ZHX2: variants seen among roughly 807,000 people sequenced by gnomAD.
ZHX2 encodes the protein zinc fingers and homeoboxes 2.
In ZHX2, 6 loss-of-function variants were observed where a neutral mutation model predicts 21.9. The ratio of observed to expected loss-of-function variants is 0.27; its 90% CI spans 0.15 to 0.54. ZHX2 has a LOEUF of 0.54. ZHX2 is among the 20% of genes least tolerant of loss of function. The pLI, the probability that ZHX2 is intolerant of heterozygous loss-of-function variation, is 0.95. For synonymous variants in ZHX2, 434 were observed against 437.1 expected, an observed-to-expected ratio of 0.99 and a Z score of 0.09; for missense variants, 908 against 1,090.7, an observed-to-expected ratio of 0.83 and a Z score of 2.36.
At chr8:122,826,673 C>T (rs899534423) in intron 1 of ZHX2, among the ~76,000 whole-genome samples, 1 of 152,084 alleles carries the variant, frequency 6.6e-6, no homozygotes, top group African/African-American at 2.4e-5. Flanking sequence ...CGGCACTGCT[C>T]TAGCCAAAAG....
Position 122,782,091 on chromosome 8 carries a change from T to G in ZHX2, c.-283+145T>G, listed in dbSNP as rs1160476125. 1 of 111,500 alleles carries G rather than the reference T, an allele frequency of 9.0e-6. No homozygotes were observed. Among genetic ancestry groups the G allele is most frequent in the Non-Finnish European group, 1.9e-5 (1 of 52,438 alleles). The allele number at this position is 111,500 out of a possible 1,614,324, so 6.9% of individuals were successfully genotyped here. A position where few individuals can be genotyped will look rare whatever the true frequency, so the allele number is the denominator to read the frequency against. ...CCCGAAAATGTGTTGTTAATGGGAC[T>G]TGGCCGGGTTTGTGATTGGAAGGGG... On this transcript the variant is annotated intron_variant, in intron 1 of 3. Transcript: ENST00000314393. The surrounding 1 kb of genome is among the most constrained non-coding windows in gnomAD (Gnocchi z 5.3).
chr8:122,945,169 G>A (rs962703485), intron 2 of ZHX2, among the ~76,000 whole-genome samples: 4 of 152,210 alleles, frequency 2.6e-5, no homozygotes, highest in East Asian at 1.9e-4. Flanking sequence ...CAGCCCTAGC[G>A]AACTAATGTA....
intron 1 of ZHX2, among the ~76,000 whole-genome samples, chr8:122,827,916 C>T (rs1818296759): frequency 6.6e-6 from 1 of 152,158 alleles, no homozygotes; most frequent in Non-Finnish European, 1.5e-5. Flanking sequence ...AGTTCAAGAC[C>T]AGCATGGGCA....
At chr8:122,834,198 G>C (rs1461143013) in intron 1 of ZHX2, among the ~76,000 whole-genome samples, 1 of 152,188 alleles carries the variant, frequency 6.6e-6, no homozygotes, top group Non-Finnish European at 1.5e-5. Flanking sequence ...GCCACCATCA[G>C]GGTTACCCTT....
At chr8:122,870,347 G>A (rs1402369911) in intron 2 of ZHX2, among the ~76,000 whole-genome samples, 1 of 151,972 alleles carries the variant, frequency 6.6e-6, no homozygotes, top group Non-Finnish European at 1.5e-5. Context: ...AGGTGAGCTG[G>A]TGCCAGGCAC....
chr8:122,799,406 T>G (rs1817675014), intron 1 of ZHX2, among the ~76,000 whole-genome samples: 1 of 133,400 alleles, frequency 7.5e-6, no homozygotes. Context: ...AATTTTTTTT[T>G]TTGTTTGTTT....
chr8:122,797,429 C>T (rs1021890353), intron 1 of ZHX2, among the ~76,000 whole-genome samples: 4 of 152,192 alleles, frequency 2.6e-5, no homozygotes, highest in East Asian at 1.9e-4. Context: ...AGCACATGAC[C>T]GTCGGGCCAG....
chr8:122,809,286 A>G (rs1450756144), intron 1 of ZHX2: 2 of 152,224 alleles, frequency 1.3e-5, no homozygotes, highest in African/African-American at 4.8e-5. Flanking sequence ...TCACGTGAGG[A>G]CAGGAGTTCA....
intron 1 of ZHX2, among the ~76,000 whole-genome samples, chr8:122,834,282 T>A (rs976006041): frequency 6.6e-6 from 1 of 152,078 alleles, no homozygotes; most frequent in African/African-American, 2.4e-5. Context: ...GCAGGGCCGA[T>A]GAGATCCAAG....
Position 122,952,926 on chromosome 8 carries a change from C to T in ZHX2, c.1416C>T (p.Leu472=). 1 of 1,614,142 alleles carries T rather than the reference C, an allele frequency of 6.2e-7. No homozygotes were observed. The highest frequency in any genetic ancestry group is 8.5e-7 in the Non-Finnish European group (1 of 1,180,038). ...CTGACGATGCCGAGGTTTACCGGCT[C>T]ATCGAGGTGACTGGCCTTGCCAGGA... is the stretch of plus-strand genomic sequence containing the variant. ...QFPDDAEVYR[L]IEVTGLARSE... Residue 472 remains leucine, a synonymous_variant, in exon 3 of 4, where the codon CTC becomes CTT. Coordinates refer to ENST00000314393, the MANE Select transcript of ZHX2 (RefSeq NM_014943.5). The surrounding 1 kb of genome is among the most constrained non-coding windows in gnomAD (Gnocchi z 6.9).
chr8:122,876,384 A>G (rs1819573356), intron 2 of ZHX2, among the ~76,000 whole-genome samples: 1 of 152,146 alleles, frequency 6.6e-6, no homozygotes, highest in East Asian at 1.9e-4. Flanking sequence ...TGACAATATT[A>G]TTTTAACAAA....
chr8:122,905,467 G>A (rs1478032769), intron 2 of ZHX2, among the ~76,000 whole-genome samples: 2 of 152,166 alleles, frequency 1.3e-5, no homozygotes, highest in African/African-American at 4.8e-5. Context: ...ATTATCAGAT[G>A]AAGCAAAGCT....
At position 122,951,841 on chromosome 8, in the gene ZHX2, G is replaced by T; in HGVS notation, c.331G>T (p.Val111Leu). Residue 111 changes from valine (V) to leucine (L), a missense_variant, in exon 3 of 4, where the codon GTG becomes TTG. By Grantham distance (32) the Val-to-Leu change is conservative (BLOSUM62 1). This residue lies in a region of ZHX2 where 220 missense variants were observed against 251.4 expected (regional missense o/e 0.88). Transcript: ENST00000314393. ...CAACGTGATTCTCAACCCCCTCTACGTGTGTGCAGAATGTAACTTCACAAC... is the reference window on the plus strand; with the variant it reads ...CAACGTGATTCTCAACCCCCTCTACTTGTGTGCAGAATGTAACTTCACAAC... ...HPNVILNPLY[V>L]CAECNFTTKK... 6.2e-7 allele frequency: 1 copy of T among 1,614,098 alleles called. No homozygotes were observed. The highest frequency in any genetic ancestry group is 8.5e-7 in the Non-Finnish European group (1 of 1,180,022).
chr8:122,924,247 C>T lies in ZHX2; in HGVS notation c.-219-27045C>T, dbSNP rs548635462. On this transcript the variant is annotated intron_variant, in intron 2 of 3. Transcript: ENST00000314393. ...GGGAAGATCTGTTCCAGACCCATCT[C>T]CTAGCTGCTGGGCACCTCAGGCTTC... is the stretch of plus-strand genomic sequence containing the variant. Among the ~76,000 whole-genome samples, 26 of 152,304 alleles carry T rather than the reference C, an allele frequency of 1.7e-4. No individual in the cohort carries two copies. In the South Asian group the frequency reaches 5.4e-3, roughly 32 times the overall value.
At chr8:122,938,128 T>C (rs1586404721) in intron 2 of ZHX2, among the ~76,000 whole-genome samples, 1 of 149,278 alleles carries the variant, frequency 6.7e-6, no homozygotes, top group East Asian at 2.0e-4. Context: ...AGAGACAGGG[T>C]TTCATCATGT....
chr8:122,894,537 A>G (rs577528122), intron 2 of ZHX2, among the ~76,000 whole-genome samples: 8 of 152,164 alleles, frequency 5.3e-5, no homozygotes, highest in East Asian at 3.9e-4. Flanking sequence ...TCAGCAAACT[A>G]TCACAAGGAC....
At chr8:122,875,430 G>A (rs189089710) in intron 2 of ZHX2, among the ~76,000 whole-genome samples, 1 of 152,208 alleles carries the variant, frequency 6.6e-6, no homozygotes, top group Non-Finnish European at 1.5e-5. Context: ...GCTGACCTCA[G>A]AAAGAACACA....
intron 2 of ZHX2, among the ~76,000 whole-genome samples, chr8:122,931,986 A>T (rs1295766955): frequency 6.6e-6 from 1 of 152,198 alleles, no homozygotes; most frequent in East Asian, 1.9e-4. Context: ...CTGGTGCGTG[A>T]CTCTCTAAAG....
chr8:122,799,405 T>G (rs76161355), intron 1 of ZHX2, among the ~76,000 whole-genome samples: 4,355 of 152,256 alleles, frequency 0.029, 132 homozygotes, highest in African/African-American at 0.072. Flanking sequence ...CAATTTTTTT[T>G]TTTGTTTGTT....
Sources: gnomAD v4.1 joint callset for allele counts (sites outside exome capture counted in the v4.1 genomes callset) on GRCh38, gnomAD v4.1.1 for gene constraint, gnomAD v4.1.1 regional missense constraint, Gnocchi (gnomAD v3.1) non-coding constraint, MANE v1.5 for transcripts, NCBI Gene and HGNC (gene_info 2026-07-23, HGNC 2026-07-21) for gene names.